ZNF83: variants seen among roughly 807,000 people sequenced by gnomAD.
ZNF83 encodes zinc finger protein 816B.
For synonymous variants in ZNF83, 209 were observed against 213.0 expected (o/e 0.98, Z 0.17); for missense variants, 552 against 629.9 (o/e 0.88, Z 1.32).
chr19:52,684,394 CA>C (rs1488524999), intron 1 of ZNF83, among the ~76,000 whole-genome samples: 2 of 151,402 alleles, frequency 1.3e-5, no homozygotes, highest in South Asian at 2.1e-4. Flanking sequence ...AATAAAAATA[CA>C]AAAATTAACC....
chr19:52,667,423 A>G (rs1032093333), intron 1 of ZNF83, among the ~76,000 whole-genome samples: 3 of 152,158 alleles, frequency 2.0e-5, no homozygotes, highest in Non-Finnish European at 4.4e-5. Context: ...TATGCAAGAA[A>G]TGTCATATAA....
At chr19:52,684,285 G>C (rs1600278842) in intron 1 of ZNF83, among the ~76,000 whole-genome samples, 1 of 152,056 alleles carries the variant, frequency 6.6e-6, no homozygotes, top group South Asian at 2.1e-4. Flanking sequence ...AGAATTGCTT[G>C]AACTCTGGTG....
chr19:52,648,068 TTC>T (rs2081607904), intron 3 of ZNF83, among the ~76,000 whole-genome samples: 1 of 151,994 alleles, frequency 6.6e-6, no homozygotes, highest in Non-Finnish European at 1.5e-5. Context: ...GCTGCCCCTC[TTC>T]CTGCCTTGCT....
chr19:52,638,926 C>A (rs922350566), upstream of ZNF83, among the ~76,000 whole-genome samples: 2 of 152,188 alleles, frequency 1.3e-5, no homozygotes, highest in Non-Finnish European at 2.9e-5. Flanking sequence ...GGAGTTCAGG[C>A]CAGCCTGGGC....
At chr19:52,623,222 GT>G (rs1235654117) in intron 2 of ZNF83, among the ~76,000 whole-genome samples, 1 of 152,198 alleles carries the variant, frequency 6.6e-6, no homozygotes, top group Non-Finnish European at 1.5e-5. Context: ...GCTGAAGACT[GT>G]CACTGCCCAA....
chr19:52,670,942 T>TGAAG (rs2061716614), intron 1 of ZNF83, among the ~76,000 whole-genome samples: 1 of 152,242 alleles, frequency 6.6e-6, no homozygotes, highest in Non-Finnish European at 1.5e-5. Flanking sequence ...TGAAGTCCTC[T>TGAAG]GCTGGCTGCC....
At chr19:52,620,489 G>A (rs1022724147) in intron 2 of ZNF83, among the ~76,000 whole-genome samples, 1 of 152,154 alleles carries the variant, frequency 6.6e-6, no homozygotes, top group East Asian at 1.9e-4. Flanking sequence ...CAGAGGCAGT[G>A]ACTATGGCAC....
intron 1 of ZNF83, among the ~76,000 whole-genome samples, chr19:52,680,553 T>G (rs186434304): frequency 2.2e-3 from 328 of 152,130 alleles, no homozygotes; most frequent in Non-Finnish European, 3.6e-3. Flanking sequence ...CGTTAAGGTA[T>G]TTTGGCACAT....
At chr19:52,631,295 C>T (rs2060949823) in intron 2 of ZNF83, among the ~76,000 whole-genome samples, 1 of 152,078 alleles carries the variant, frequency 6.6e-6, no homozygotes, top group Non-Finnish European at 1.5e-5. Context: ...AACAACAACT[C>T]CTTTCCTTCC....
At chr19:52,616,933 A>C (rs2060329505) in intron 2 of ZNF83, 1 of 152,160 alleles carries the variant, frequency 6.6e-6, no homozygotes, top group South Asian at 2.1e-4. Flanking sequence ...TAACACAGGA[A>C]CAGAAAACCA....
At chr19:52,623,565 C>T (rs1442412533) in intron 2 of ZNF83, among the ~76,000 whole-genome samples, 4 of 152,140 alleles carry the variant, frequency 2.6e-5, no homozygotes, top group South Asian at 2.1e-4. Context: ...ACTACAGCCA[C>T]ATCTCATTGC....
intron 2 of ZNF83, among the ~76,000 whole-genome samples, chr19:52,656,891 G>A (rs1290689020): frequency 6.9e-6 from 1 of 145,674 alleles, no homozygotes; most frequent in African/African-American, 2.6e-5. Context: ...AAAAAATCAT[G>A]GGCTTCTCCA....
At chr19:52,633,866 C>T (rs1375322368) in intron 2 of ZNF83, among the ~76,000 whole-genome samples, 1 of 151,900 alleles carries the variant, frequency 6.6e-6, no homozygotes, top group African/African-American at 2.4e-5. Context: ...GCAAAGATCA[C>T]GCCATTGCAC....
Position 52,650,258 on chromosome 19 carries a change from TTTC to T in ZNF83, c.-74+5300_-74+5302del, listed in dbSNP as rs1207243162. On this transcript the variant is annotated intron_variant, in intron 3 of 5. Transcript: ENST00000594682. ...CCAAAACATGAGCTTGTTACTTTTC[TTTC>T]TTTTTTTTTTTTGAGACAGAGTTTT... 2.7e-3 allele frequency among the ~76,000 whole-genome samples: 97 copies of T among 35,968 alleles called. 1 individual carries two copies. Among genetic ancestry groups the T allele is most frequent in the Admixed American group, 7.1e-3 (18 of 2,522 alleles). The allele number at this position is 35,968 out of a possible 152,430, so 23.6% of individuals were successfully genotyped here. A position where few individuals can be genotyped will look rare whatever the true frequency, so the allele number is the denominator to read the frequency against.
intron 1 of ZNF83, among the ~76,000 whole-genome samples, chr19:52,673,115 A>C (rs1221591344): frequency 1.3e-5 from 2 of 152,206 alleles, no homozygotes; most frequent in Non-Finnish European, 2.9e-5. Context: ...AGACTGAGGC[A>C]TGAGAATCAC....
chr19:52,635,252 T>C, intron 1 of ZNF83, 99 bp from the exon 2 acceptor site: 1 of 482,472 alleles, frequency 2.1e-6, no homozygotes, highest in South Asian at 4.6e-5. Flanking sequence ...TGAGGAAATA[T>C]GGTCCCCTCT....
intron 2 of ZNF83, among the ~76,000 whole-genome samples, chr19:52,658,842 C>T (rs914475547): frequency 1.3e-5 from 2 of 152,196 alleles, no homozygotes; most frequent in Non-Finnish European, 2.9e-5. Context: ...ATGGTATTTA[C>T]TTCAGATCAC....
intron 3 of ZNF83, among the ~76,000 whole-genome samples, chr19:52,646,714 C>G (rs475188): frequency 1.3e-5 from 2 of 151,930 alleles, no homozygotes; most frequent in Non-Finnish European, 2.9e-5. Flanking sequence ...TACATCCCCC[C>G]CAACTACACA....
chr19:52,635,176 T>C, intron 1 of ZNF83, 23 bp from the exon 2 acceptor site: 1 of 611,176 alleles, frequency 1.6e-6, no homozygotes, highest in Admixed American at 2.6e-5. Context: ...AATATGTTGT[T>C]TATTGCTCAG....
Sources: gnomAD v4.1 joint callset for allele counts (sites outside exome capture counted in the v4.1 genomes callset) on GRCh38, gnomAD v4.1.1 for gene constraint, MANE v1.5 for transcripts, NCBI Gene and HGNC (gene_info 2026-07-23, HGNC 2026-07-21) for gene names.